The following HACE1 variants were observed in gnomAD, a reference collection of about 807,000 sequenced individuals.
HACE1 encodes the protein E3 ubiquitin-protein ligase HACE1.
In HACE1, 73 loss-of-function variants were observed where a neutral mutation model predicts 118.4. That is an observed-to-expected ratio of 0.62 (90% CI 0.51 to 0.75). HACE1 has a LOEUF of 0.75. Ranked by LOEUF, HACE1 falls within the 30% of genes least tolerant of loss-of-function variation. The pLI is 0.00. For missense variants in HACE1, 749 were observed against 1,102.2 expected, an observed-to-expected ratio of 0.68 and a Z score of 4.54; for synonymous variants, 368 against 374.8, an observed-to-expected ratio of 0.98 and a Z score of 0.21.
chr6:104,741,458 A>G lies in HACE1; in HGVS notation c.2513+2702T>C, dbSNP rs1582609152. Among the ~76,000 whole-genome samples, 7 of 149,822 alleles carry G rather than the reference A, an allele frequency of 4.7e-5. No homozygotes were observed. The South Asian group carries it at 1.3e-3, about 28-fold the overall frequency. On this transcript the variant is annotated intron_variant, in intron 22 of 23. Transcript: ENST00000262903. ...CCTTAAGCTGATAAGCAACTTCAGC[A>G]AAGTCTCAGGATACAAAATCAATGT...
chr6:104,774,292 G>A (rs572567797), intron 17 of HACE1, among the ~76,000 whole-genome samples: 4 of 129,032 alleles, frequency 3.1e-5, no homozygotes, highest in African/African-American at 1.4e-4. Context: ...GGGTTTCACC[G>A]TTTTAGCCGG....
chr6:104,822,175 G>A (rs1443889541), intron 6 of HACE1, among the ~76,000 whole-genome samples: 2 of 128,756 alleles, frequency 1.6e-5, no homozygotes, highest in African/African-American at 6.1e-5. Context: ...AAGACCAGGA[G>A]ATCAACACGG....
intron 5 of HACE1, among the ~76,000 whole-genome samples, chr6:104,838,220 A>G (rs1006082681): frequency 6.6e-6 from 1 of 152,218 alleles, no homozygotes; most frequent in Non-Finnish European, 1.5e-5. Flanking sequence ...TAAAATTTAT[A>G]TGGAATCACA....
intron 20 of HACE1, among the ~76,000 whole-genome samples, chr6:104,745,731 G>A (rs973749236): frequency 6.6e-6 from 1 of 151,974 alleles, no homozygotes; most frequent in East Asian, 1.9e-4. Flanking sequence ...GTGAACCACC[G>A]TGCCCGGCCA....
At chr6:104,841,461 T>C (rs1775113539) in intron 5 of HACE1, among the ~76,000 whole-genome samples, 1 of 152,160 alleles carries the variant, frequency 6.6e-6, no homozygotes, top group Non-Finnish European at 1.5e-5. Context: ...ACGTACCGTG[T>C]CACTAAGCAT....
chr6:104,733,354 A>G (rs936879133), intron 22 of HACE1, among the ~76,000 whole-genome samples: 1 of 152,152 alleles, frequency 6.6e-6, no homozygotes, highest in African/African-American at 2.4e-5. Flanking sequence ...ACCATTCCTG[A>G]AACCTTATTC....
intron 4 of HACE1, among the ~76,000 whole-genome samples, chr6:104,843,509 A>C (rs1021241048): frequency 1.3e-5 from 2 of 152,246 alleles, no homozygotes; most frequent in Non-Finnish European, 2.9e-5. Context: ...AACAGGATAA[A>C]ACAATGACAC....
intron 1 of HACE1, among the ~76,000 whole-genome samples, chr6:104,853,095 G>C (rs1432197628): frequency 2.0e-5 from 3 of 152,118 alleles, no homozygotes; most frequent in Non-Finnish European, 4.4e-5. Context: ...AGCCATGAGG[G>C]CTCCTCTTTC....
At chr6:104,859,410 T>A in intron 1 of HACE1, 157 bp downstream of exon 1, 2 of 614,550 alleles carry the variant, frequency 3.3e-6, no homozygotes, top group Non-Finnish European at 5.4e-6. Context: ...GCCAGGGGAG[T>A]TCGGGGCCCG....
At chr6:104,770,660 A>C (rs931009305) in intron 19 of HACE1, among the ~76,000 whole-genome samples, 2 of 152,194 alleles carry the variant, frequency 1.3e-5, no homozygotes, top group African/African-American at 2.4e-5. Flanking sequence ...CAGAGGTTGC[A>C]GTGAGCCGAG....
At position 104,851,003 on chromosome 6, in the gene HACE1, C is replaced by A; in HGVS notation, c.132-7G>T. 6.5e-7 allele frequency: 1 copy of A among 1,537,174 alleles called. No individual in the cohort carries two copies. The highest frequency in any genetic ancestry group is 9.0e-7 in the Non-Finnish European group (1 of 1,109,740). On this transcript the variant is annotated splice_polypyrimidine_tract_variant and splice_region_variant and intron_variant, in intron 2 of 23. Coordinates refer to ENST00000262903, the MANE Select transcript of HACE1 (RefSeq NM_020771.4). ...TAGTAGTTCAGAAACAGACCTATGC[C>A]AAAATAAAAATGAGGAATCAAGTGT...
chr6:104,852,256 G>A, intron 2 of HACE1, 61 bp downstream of exon 2: 4 of 926,014 alleles, frequency 4.3e-6, no homozygotes, highest in Admixed American at 1.7e-5. Flanking sequence ...CGGGCATGCA[G>A]TACACATTTA....
chr6:104,852,753 A>G (rs1291934462), intron 1 of HACE1, among the ~76,000 whole-genome samples: 1 of 152,204 alleles, frequency 6.6e-6, no homozygotes, highest in Non-Finnish European at 1.5e-5. Flanking sequence ...TTTTACTTCC[A>G]AAGAGGTATT....
At chr6:104,802,546 C>G (rs771372357) in intron 7 of HACE1, among the ~76,000 whole-genome samples, 1 of 152,196 alleles carries the variant, frequency 6.6e-6, no homozygotes. Flanking sequence ...AACTAGAACT[C>G]AGGATTAACA....
chr6:104,759,913 A>G (rs1779147366), intron 19 of HACE1, among the ~76,000 whole-genome samples: 1 of 152,252 alleles, frequency 6.6e-6, no homozygotes, highest in African/African-American at 2.4e-5. Context: ...AGAGAATACT[A>G]TAAACATCTC....
intron 19 of HACE1, among the ~76,000 whole-genome samples, chr6:104,769,008 C>T (rs1430304323): frequency 6.6e-6 from 1 of 151,904 alleles, no homozygotes; most frequent in Non-Finnish European, 1.5e-5. Flanking sequence ...GAGATGCAAG[C>T]ATAAATATAG....
At chr6:104,804,271 T>C (rs944491944) in intron 7 of HACE1, among the ~76,000 whole-genome samples, 1 of 152,180 alleles carries the variant, frequency 6.6e-6, no homozygotes, top group African/African-American at 2.4e-5. Context: ...ATCAATATCG[T>C]GAAAATGGCC....
chr6:104,803,525 T>C (rs1327362240), intron 7 of HACE1, among the ~76,000 whole-genome samples: 2 of 152,118 alleles, frequency 1.3e-5, no homozygotes, highest in African/African-American at 2.4e-5. Context: ...CACGATCAAG[T>C]CGGCTTCATC....
intron 22 of HACE1, among the ~76,000 whole-genome samples, chr6:104,740,208 G>C (rs1776482790): frequency 6.9e-6 from 1 of 145,118 alleles, no homozygotes; most frequent in Non-Finnish European, 1.5e-5. Context: ...GCCCACAAGA[G>C]AAAGCAGGAA....
Sources: allele counts gnomAD v4.1 joint callset (sites outside exome capture counted in the v4.1 genomes callset), GRCh38; gene constraint gnomAD v4.1.1; transcripts MANE v1.5; gene names NCBI Gene and HGNC (gene_info 2026-07-23, HGNC 2026-07-21).